Variants in DYDC2 observed in about 807,000 individuals in gnomAD.
The protein encoded by DYDC2 is DPY30 domain containing 2.
A neutral mutation model predicts 18.7 loss-of-function variants in DYDC2; 19 were observed. The observed-to-expected ratio is 1.02, with a 90% CI of 0.71 to 1.49. The LOEUF (loss-of-function observed/expected upper bound fraction) is 1.49, where lower values mean the gene tolerates loss of function less well. Ranked by LOEUF, DYDC2 falls within the 40% of genes most tolerant of loss-of-function variation. The pLI, the probability that DYDC2 is intolerant of heterozygous loss-of-function variation, is 0.00. For missense variants in DYDC2, 179 were observed against 205.1 expected, an observed-to-expected ratio of 0.87 and a Z score of 0.78; for synonymous variants, 63 against 67.6, an observed-to-expected ratio of 0.93 and a Z score of 0.34.
At chr10:80,352,239 G>C (rs1843039479), upstream of DYDC2, among the ~76,000 whole-genome samples, 2 of 152,040 alleles carry the variant, frequency 1.3e-5, no homozygotes, top group Admixed American at 1.3e-4. Context: ...TAAATCTATA[G>C]AAAAAAGACT....
chr10:80,352,454 C>T (rs780011484), upstream of DYDC2: 22 of 1,594,942 alleles, frequency 1.4e-5, no homozygotes, highest in Non-Finnish European at 1.8e-5. Context: ...TTCCTACTTA[C>T]CAGTTGTTCC....
intron 1 of DYDC2, among the ~76,000 whole-genome samples, chr10:80,349,027 G>C (rs1349723631): frequency 6.6e-6 from 1 of 152,112 alleles, no homozygotes; most frequent in Non-Finnish European, 1.5e-5. Context: ...GAGTAGCTGG[G>C]ACTACAGGAG....
chr10:80,352,032 ACTTCT>A (rs1564666505), upstream of DYDC2: 2 of 1,604,278 alleles, frequency 1.2e-6, 1 homozygote, highest in African/African-American at 2.7e-5. Context: ...ACAGCACACG[ACTTCT>A]TAGCGAGAAA....
At chr10:80,349,359 T>G (rs1316443138) in intron 1 of DYDC2, among the ~76,000 whole-genome samples, 2 of 152,216 alleles carry the variant, frequency 1.3e-5, no homozygotes, top group African/African-American at 2.4e-5. Context: ...AATAAAACAT[T>G]TGCAAAAATT....
intron 2 of DYDC2, among the ~76,000 whole-genome samples, chr10:80,362,187 G>A (rs916700217): frequency 2.0e-5 from 3 of 152,170 alleles, no homozygotes; most frequent in African/African-American, 7.2e-5. Context: ...GGCTCTTTTG[G>A]AATTAAAATG....
At chr10:80,359,417 G>C (rs1379490666) in intron 2 of DYDC2, among the ~76,000 whole-genome samples, 1 of 152,210 alleles carries the variant, frequency 6.6e-6, no homozygotes, top group East Asian at 1.9e-4. Context: ...ACTAGACTCA[G>C]GAGCCCAAAT....
chr10:80,357,822 G>GA, intron 1 of DYDC2, 71 bp from the exon 2 acceptor site: 1 of 985,580 alleles, frequency 1.0e-6, no homozygotes, highest in Non-Finnish European at 1.2e-6. Context: ...ATTGGGCGTG[G>GA]AAAAATCAAA....
At chr10:80,345,148 C>T (rs1842536939) in intron 1 of DYDC2, among the ~76,000 whole-genome samples, 1 of 152,146 alleles carries the variant, frequency 6.6e-6, no homozygotes, top group African/African-American at 2.4e-5. Context: ...TGTTATTGAT[C>T]CAGCAGTGTC....
chr10:80,361,932 C>T (rs1265126686), intron 2 of DYDC2, among the ~76,000 whole-genome samples: 2 of 152,230 alleles, frequency 1.3e-5, no homozygotes, highest in African/African-American at 2.4e-5. Flanking sequence ...AGGCTATTTA[C>T]AAGCAAGGTT....
upstream of DYDC2, chr10:80,351,860 C>G (rs755275570): frequency 1.3e-6 from 2 of 1,584,328 alleles, no homozygotes; most frequent in Non-Finnish European, 1.7e-6. Context: ...AGGTTGGCAT[C>G]GTTAATTCCA....
intron 2 of DYDC2, among the ~76,000 whole-genome samples, chr10:80,358,324 G>A (rs577932728): frequency 3.3e-5 from 5 of 152,278 alleles, no homozygotes; most frequent in African/African-American, 1.2e-4. Context: ...ATTGCAGTAA[G>A]ACGAGATTGT....
chr10:80,345,902 G>C (rs1842591580), intron 1 of DYDC2, among the ~76,000 whole-genome samples: 1 of 152,190 alleles, frequency 6.6e-6, no homozygotes, highest in African/African-American at 2.4e-5. Context: ...CTGTCACCCA[G>C]GTGGGAGTGC....
chr10:80,367,190 T>G lies in DYDC2; in HGVS notation c.*239T>G. ...GCTGTGACTTTTTCCTCTTGTTTTA[T>G]CAACGTTTTGGAGACTACACAATGA... On this transcript the variant is annotated 3_prime_UTR_variant, in exon 5 of 5. Coordinates refer to ENST00000256039, the MANE Select transcript of DYDC2 (RefSeq NM_032372.6). 2.1e-6 allele frequency: 1 copy of G among 465,524 alleles called. No homozygotes were observed. The highest frequency in any genetic ancestry group is 3.7e-6 in the Non-Finnish European group (1 of 271,112). The allele number at this position is 465,524 out of a possible 1,614,324, so 28.8% of individuals were successfully genotyped here. A position where few individuals can be genotyped will look rare whatever the true frequency, so the allele number is the denominator to read the frequency against.
upstream of DYDC2, chr10:80,351,915 G>C (rs774237123): frequency 1.2e-6 from 2 of 1,614,066 alleles, no homozygotes; most frequent in South Asian, 1.1e-5. Flanking sequence ...TGAAGTAAGA[G>C]CTCCTCTGCT....
chr10:80,352,867 T>C (rs1276745877), upstream of DYDC2: 9 of 323,170 alleles, frequency 2.8e-5, no homozygotes, highest in East Asian at 4.8e-4. Flanking sequence ...AAAGAGATAT[T>C]ATCATTATTG....
rs1247432981 is a variant in DYDC2, at chr10:80,367,902, A to T, written c.*951A>T. 6.6e-6 allele frequency: 1 copy of T among 152,076 alleles called. No individual in the cohort carries two copies. Among genetic ancestry groups the T allele is most frequent in the Admixed American group, 6.6e-5 (1 of 15,240 alleles). The allele number at this position is 152,076 out of a possible 1,614,324, so 9.4% of individuals were successfully genotyped here. On this transcript the variant is annotated 3_prime_UTR_variant, in exon 5 of 5. Transcript: ENST00000256039. ...AGATTCATATTCTTGTGCAACCATC[A>T]TCACCATCCGGCTGCAAAACTCTTT... is the stretch of plus-strand genomic sequence containing the variant.
At chr10:80,362,372 TG>T (rs1843688356) in intron 2 of DYDC2, 62 bp from the exon 3 acceptor site, 1 of 1,554,564 alleles carries the variant, frequency 6.4e-7, no homozygotes, top group Non-Finnish European at 8.7e-7. Flanking sequence ...GGTTAGAATG[TG>T]TCTATTTTTA....
rs375610658 is a variant in DYDC2 at position 80,367,477 on chromosome 10, C to G, written c.*526C>G. 6.6e-6 allele frequency: 1 copy of G among 152,584 alleles called. No individual in the cohort carries two copies. Among genetic ancestry groups the G allele is most frequent in the Non-Finnish European group, 1.5e-5 (1 of 68,380 alleles). The allele number at this position is 152,584 out of a possible 1,614,324, so 9.5% of individuals were successfully genotyped here. ...ATGAACTACAGCTGTGAGGGTTTAGCATTTTCTTTGAAACATATGGCTACT... is the reference window on the plus strand; with the variant it reads ...ATGAACTACAGCTGTGAGGGTTTAGGATTTTCTTTGAAACATATGGCTACT... On this transcript the variant is annotated 3_prime_UTR_variant, in exon 5 of 5. Transcript: ENST00000256039.
chr10:80,346,821 T>C (rs1842670178), intron 1 of DYDC2, among the ~76,000 whole-genome samples: 1 of 151,764 alleles, frequency 6.6e-6, no homozygotes, highest in East Asian at 1.9e-4. Context: ...ATGCCTGTAA[T>C]CCTAACACTT....
Sources: allele counts gnomAD v4.1 joint callset (sites outside exome capture counted in the v4.1 genomes callset), GRCh38; gene constraint gnomAD v4.1.1; transcripts MANE v1.5; gene names NCBI Gene and HGNC (gene_info 2026-07-23, HGNC 2026-07-21).